Variants in TMEFF2 observed in about 807,000 individuals in gnomAD.
The protein encoded by TMEFF2 is transmembrane protein with EGF like and two follistatin like domains 2, also known as tomoregulin-2.
A neutral mutation model predicts 53.8 loss-of-function variants in TMEFF2; 28 were observed. That is an observed-to-expected ratio of 0.52 (90% confidence interval 0.39 to 0.71). The LOEUF is 0.71. TMEFF2 is among the 30% of genes least tolerant of loss of function. The probability of loss-of-function intolerance (pLI) is 0.00; values close to 1 mark genes in which losing one functional copy is unlikely to be tolerated. For missense variants in TMEFF2, 353 were observed against 455.2 expected, an observed-to-expected ratio of 0.78 and a Z score of 2.04; for synonymous variants, 162 against 166.3, an observed-to-expected ratio of 0.97 and a Z score of 0.20.
chr2:192,135,902 C>CT (rs1376695134), intron 4 of TMEFF2, among the ~76,000 whole-genome samples: 1 of 151,852 alleles, frequency 6.6e-6, no homozygotes, highest in Admixed American at 6.6e-5. Context: ...CACTGAGCAC[C>CT]TTGTGACCCC....
chr2:191,968,180 G>A (rs1391433335), intron 7 of TMEFF2, among the ~76,000 whole-genome samples: 2 of 152,214 alleles, frequency 1.3e-5, no homozygotes, highest in African/African-American at 2.4e-5. Flanking sequence ...AGATAACACA[G>A]CTGAGAAAAG....
chr2:192,021,505 G>T (rs1443152046), intron 5 of TMEFF2, among the ~76,000 whole-genome samples: 2 of 152,100 alleles, frequency 1.3e-5, no homozygotes, highest in African/African-American at 4.8e-5. Flanking sequence ...TGTGGTATGT[G>T]TGGGCCCCAA....
At chr2:191,955,723 G>T (rs1212785653) in intron 8 of TMEFF2, among the ~76,000 whole-genome samples, 1 of 151,564 alleles carries the variant, frequency 6.6e-6, no homozygotes, top group Non-Finnish European at 1.5e-5. Flanking sequence ...AACTGGGGGG[G>T]TATGGCTAAT....
chr2:192,135,264 C>CTTAA (rs1689970972), intron 4 of TMEFF2, among the ~76,000 whole-genome samples: 1 of 152,202 alleles, frequency 6.6e-6, no homozygotes, highest in Admixed American at 6.5e-5. Flanking sequence ...AACGGCCACT[C>CTTAA]TTAACTCTTG....
chr2:191,970,051 C>A (rs1410154455), intron 7 of TMEFF2, among the ~76,000 whole-genome samples: 1 of 152,106 alleles, frequency 6.6e-6, no homozygotes, highest in African/African-American at 2.4e-5. Flanking sequence ...AATCAAATAT[C>A]TTTGTGTTTA....
intron 4 of TMEFF2, among the ~76,000 whole-genome samples, chr2:192,160,448 G>C (rs1196514307): frequency 1.3e-5 from 2 of 152,068 alleles, no homozygotes; most frequent in Non-Finnish European, 2.9e-5. Context: ...TCTGGACTAA[G>C]AAACTGCCTG....
intron 7 of TMEFF2, among the ~76,000 whole-genome samples, chr2:191,964,378 CTTTCTTTCTTTCTTTCTTTCTCTT>C (rs1559063586): frequency 6.8e-4 from 17 of 24,878 alleles, no homozygotes; most frequent in South Asian, 1.6e-3. Flanking sequence ...CTTTCTCTTT[CTTTCTTTCTTTCTTTCTTTCTCTT>C]TCTTTCTTTC....
At chr2:192,129,923 A>G (rs559697173) in intron 4 of TMEFF2, among the ~76,000 whole-genome samples, 1 of 152,370 alleles carries the variant, frequency 6.6e-6, no homozygotes, top group African/African-American at 2.4e-5. Context: ...CGAATATTGA[A>G]ATAATTCGCC....
intron 5 of TMEFF2, among the ~76,000 whole-genome samples, chr2:192,010,937 A>G (rs1686612137): frequency 6.6e-6 from 1 of 152,180 alleles, no homozygotes; most frequent in South Asian, 2.1e-4. Flanking sequence ...ATTTCCCCCT[A>G]ACAGTGTCAT....
chr2:192,192,306 T>G (rs1691481970), intron 1 of TMEFF2, among the ~76,000 whole-genome samples: 1 of 152,180 alleles, frequency 6.6e-6, no homozygotes, highest in Non-Finnish European at 1.5e-5. Context: ...TTTTTATTTT[T>G]ATTTTTTGCT....
intron 4 of TMEFF2, among the ~76,000 whole-genome samples, chr2:192,100,919 A>G (rs1460574270): frequency 6.6e-6 from 1 of 152,128 alleles, no homozygotes; most frequent in Admixed American, 6.6e-5. Context: ...ATTTGCACAA[A>G]TTTTATATTA....
intron 4 of TMEFF2, among the ~76,000 whole-genome samples, chr2:192,111,926 G>A (rs1689287886): frequency 6.6e-6 from 1 of 152,242 alleles, no homozygotes; most frequent in South Asian, 2.1e-4. Flanking sequence ...TGTTGAGCCT[G>A]TGGGTGCACA....
At chr2:192,126,318 C>T (rs116588133) in intron 4 of TMEFF2, among the ~76,000 whole-genome samples, 16 of 152,254 alleles carry the variant, frequency 1.1e-4, no homozygotes, top group African/African-American at 3.9e-4. Flanking sequence ...AATAACTTAC[C>T]ATTTCTTTTC....
At chr2:192,065,655 T>A (rs1424590085) in intron 4 of TMEFF2, among the ~76,000 whole-genome samples, 1 of 151,782 alleles carries the variant, frequency 6.6e-6, no homozygotes, top group Non-Finnish European at 1.5e-5. Context: ...TTTTTTTACT[T>A]TATTTACATA....
intron 4 of TMEFF2, among the ~76,000 whole-genome samples, chr2:192,116,263 T>A (rs944343736): frequency 6.6e-6 from 1 of 151,992 alleles, no homozygotes; most frequent in African/African-American, 2.4e-5. Context: ...ATCTCATATG[T>A]GGAATCTAAA....
At chr2:192,060,584 A>G (rs1425774211) in intron 4 of TMEFF2, among the ~76,000 whole-genome samples, 1 of 152,166 alleles carries the variant, frequency 6.6e-6, no homozygotes, top group Non-Finnish European at 1.5e-5. Flanking sequence ...GCAGGGCTGC[A>G]ATATAAATTG....
intron 4 of TMEFF2, among the ~76,000 whole-genome samples, chr2:192,145,979 T>C (rs1218806004): frequency 6.6e-6 from 1 of 151,928 alleles, no homozygotes; most frequent in Admixed American, 6.6e-5. Context: ...TAACTAAGCA[T>C]ATCACACTCA....
At chr2:191,951,580 T>C (rs1302987885) in intron 9 of TMEFF2, among the ~76,000 whole-genome samples, 3 of 152,038 alleles carry the variant, frequency 2.0e-5, no homozygotes, top group African/African-American at 4.8e-5. Flanking sequence ...AGACCTATTT[T>C]GAAATAGGTC....
intron 4 of TMEFF2, among the ~76,000 whole-genome samples, chr2:192,123,515 TAGTAAATCC>T (rs2105968840): frequency 6.6e-6 from 1 of 152,286 alleles, no homozygotes; most frequent in South Asian, 2.1e-4. Context: ...AAAGATTACA[TAGTAAATCC>T]AGATGATCTA....
Sources: allele counts gnomAD v4.1 joint callset (sites outside exome capture counted in the v4.1 genomes callset), GRCh38; gene constraint gnomAD v4.1.1; transcripts MANE v1.5; gene names NCBI Gene and HGNC (gene_info 2026-07-23, HGNC 2026-07-21).